CDH13: variants seen among roughly 807,000 people sequenced by gnomAD.
CDH13 encodes cadherin 13.
A neutral mutation model predicts 63.8 loss-of-function variants in CDH13; 24 were observed. That is an observed-to-expected ratio of 0.38 (90% CI 0.27 to 0.53). The LOEUF (loss-of-function observed/expected upper bound fraction) is 0.53. Ranked by LOEUF, CDH13 falls within the 20% of genes least tolerant of loss-of-function variation. The pLI, the probability that CDH13 is intolerant of heterozygous loss-of-function variation, is 0.85. For synonymous variants in CDH13, 503 were observed against 355.3 expected (o/e 1.42, Z -4.67); for missense variants, 1,049 against 903.1 (o/e 1.16, Z -2.07).
chr16:83,306,687 A>G (rs1017552162), intron 5 of CDH13, among the ~76,000 whole-genome samples: 8 of 152,314 alleles, frequency 5.3e-5, no homozygotes, highest in Middle Eastern at 3.4e-3. Context: ...CAGAGTCCAA[A>G]CTAGTGATAG....
chr16:83,300,665 A>C (rs2089712837), intron 5 of CDH13, among the ~76,000 whole-genome samples: 2 of 152,260 alleles, frequency 1.3e-5, no homozygotes, highest in African/African-American at 4.8e-5. Flanking sequence ...TGTCAAGATG[A>C]GACGTTAATC....
At chr16:83,748,289 T>C (rs1190931764) in intron 11 of CDH13, 39 bp downstream of exon 11, 2 of 1,546,022 alleles carry the variant, frequency 1.3e-6, no homozygotes, top group Non-Finnish European at 1.8e-6. Flanking sequence ...TATACTTTTC[T>C]GCTACAAATA....
At chr16:83,171,983 G>A (rs1042013927) in intron 4 of CDH13, among the ~76,000 whole-genome samples, 4 of 152,142 alleles carry the variant, frequency 2.6e-5, no homozygotes, top group African/African-American at 9.6e-5. Context: ...CTCAGGGGTA[G>A]CTGCTATGGT....
chr16:83,145,583 G>C (rs949900747), intron 4 of CDH13, among the ~76,000 whole-genome samples: 1 of 152,136 alleles, frequency 6.6e-6, no homozygotes, highest in Non-Finnish European at 1.5e-5. Context: ...CATCATTCAG[G>C]GTCCCACTTT....
intron 2 of CDH13, among the ~76,000 whole-genome samples, chr16:82,869,777 A>C (rs2040281044): frequency 6.6e-6 from 1 of 152,172 alleles, no homozygotes; most frequent in Non-Finnish European, 1.5e-5. Context: ...GGATATCCAT[A>C]TGCAGAAGAA....
chr16:83,688,100 C>T (rs1222439144), intron 10 of CDH13, among the ~76,000 whole-genome samples: 1 of 152,208 alleles, frequency 6.6e-6, no homozygotes, highest in African/African-American at 2.4e-5. Context: ...TGCCCAATTT[C>T]CATTTTTACT....
chr16:83,404,534 T>C (rs2092013356), intron 6 of CDH13, among the ~76,000 whole-genome samples: 1 of 152,258 alleles, frequency 6.6e-6, no homozygotes, highest in Non-Finnish European at 1.5e-5. Flanking sequence ...GTTGTTCTTA[T>C]TATTGCTGTA....
In CDH13 at chr16:83,601,215, G is replaced by A. The variant is rs62040196; in HGVS notation, c.961-1239G>A. Among the ~76,000 whole-genome samples, 1,011 of 152,244 alleles carry A rather than the reference G, an allele frequency of 6.6e-3. 3 individuals carry two copies. The highest frequency in any genetic ancestry group is 0.01 in the Admixed American group (160 of 15,282). On this transcript the variant is annotated intron_variant, in intron 7 of 13. Coordinates refer to ENST00000567109, the MANE Select transcript of CDH13 (RefSeq NM_001257.5). ...AAGGATAGGTCCCCAAAGGAAATGC[G>A]GGGTGCTGCCTTACCAGATGAATGG...
intron 1 of CDH13, among the ~76,000 whole-genome samples, chr16:82,790,184 C>G (rs2036229213): frequency 6.6e-6 from 1 of 152,136 alleles, no homozygotes; most frequent in South Asian, 2.1e-4. Context: ...TACCTATAAT[C>G]CCAGCCCTTT....
Position 83,102,328 on chromosome 16 carries a change from T to C in CDH13, c.367-23057T>C, listed in dbSNP as rs145649285. On this transcript the variant is annotated intron_variant, in intron 3 of 13. Transcript: ENST00000567109. The stretch of plus-strand genomic sequence containing the variant: ...TTGTTATGACTTGTTATAGCAGCCA[T>C]TGGAAACTAATACAGCAATTCTGTG... Among the ~76,000 whole-genome samples, 3 of 152,314 alleles carry C rather than the reference T, an allele frequency of 2.0e-5. 1 individual carries two copies. Among genetic ancestry groups the C allele is most frequent in the East Asian group, 1.9e-4 (1 of 5,186 alleles).
At chr16:83,490,812 T>A (rs2073997414) in intron 7 of CDH13, among the ~76,000 whole-genome samples, 2 of 152,200 alleles carry the variant, frequency 1.3e-5, no homozygotes, top group South Asian at 4.1e-4. Context: ...TTAATAGATA[T>A]CAAGTTTCCC....
intron 4 of CDH13, among the ~76,000 whole-genome samples, chr16:83,209,925 A>C (rs1388766621): frequency 6.6e-6 from 1 of 152,110 alleles, no homozygotes; most frequent in Non-Finnish European, 1.5e-5. Flanking sequence ...CCATCCAGCT[A>C]AAGAAAGGCA....
chr16:83,171,898 G>A (rs1447572860), intron 4 of CDH13, among the ~76,000 whole-genome samples: 2 of 152,124 alleles, frequency 1.3e-5, no homozygotes, highest in Non-Finnish European at 2.9e-5. Flanking sequence ...CTCAAAATCT[G>A]TCCCTCTGCA....
At chr16:83,781,321 AG>A (rs1265390867) in intron 12 of CDH13, among the ~76,000 whole-genome samples, 2 of 152,228 alleles carry the variant, frequency 1.3e-5, no homozygotes, top group Non-Finnish European at 2.9e-5. Flanking sequence ...ATAAAGTAAA[AG>A]AAAAAAGAAA....
At chr16:83,114,035 A>C (rs1197324722) in intron 3 of CDH13, among the ~76,000 whole-genome samples, 2 of 152,210 alleles carry the variant, frequency 1.3e-5, no homozygotes, top group Non-Finnish European at 2.9e-5. Flanking sequence ...CTCCAATTTC[A>C]GACTCCCCTG....
At chr16:82,996,993 A>G (rs201955460) in intron 2 of CDH13, among the ~76,000 whole-genome samples, 1 of 148,752 alleles carries the variant, frequency 6.7e-6, no homozygotes, top group Non-Finnish European at 1.5e-5. Flanking sequence ...GATGGTGGTG[A>G]TGATGATGAT....
chr16:83,645,420 G>A (rs1255122934), intron 8 of CDH13, among the ~76,000 whole-genome samples: 3 of 152,112 alleles, frequency 2.0e-5, no homozygotes, highest in Admixed American at 6.6e-5. Context: ...GAGATGTTGG[G>A]GATGAGGGCT....
At chr16:82,891,278 AG>A (rs1377225207) in intron 2 of CDH13, among the ~76,000 whole-genome samples, 1 of 152,060 alleles carries the variant, frequency 6.6e-6, no homozygotes, top group Non-Finnish European at 1.5e-5. Flanking sequence ...GGTAGTGAAG[AG>A]GTCCTCTAAG....
intron 1 of CDH13, chr16:82,829,392 T>A (rs1047398292): frequency 2.6e-5 from 4 of 152,170 alleles, no homozygotes; most frequent in Non-Finnish European, 4.4e-5. Context: ...TTGACTGTTA[T>A]ATACTCTTGG....
Sources: allele counts gnomAD v4.1 joint callset (sites outside exome capture counted in the v4.1 genomes callset), GRCh38; gene constraint gnomAD v4.1.1; transcripts MANE v1.5; gene names NCBI Gene and HGNC (gene_info 2026-07-23, HGNC 2026-07-21).